EPM2A: variants seen among roughly 807,000 people sequenced by gnomAD.
The protein encoded by EPM2A is laforin.
A neutral mutation model predicts 26.5 loss-of-function variants in EPM2A; 21 were observed. The observed-to-expected ratio is 0.79, with a 90% CI of 0.56 to 1.14. The LOEUF (loss-of-function observed/expected upper bound fraction) is 1.14. EPM2A is among the 50% of genes most tolerant of loss of function. The probability of loss-of-function intolerance (pLI) is 0.00; values close to 1 mark genes in which losing one functional copy is unlikely to be tolerated. For missense variants in EPM2A, 458 were observed against 440.8 expected, an observed-to-expected ratio of 1.04 and a Z score of -0.35; for synonymous variants, 217 against 177.6, an observed-to-expected ratio of 1.22 and a Z score of -1.76.
intron 2 of EPM2A, among the ~76,000 whole-genome samples, chr6:145,548,186 C>A (rs187623274): frequency 1.7e-3 from 259 of 152,218 alleles, no homozygotes; most frequent in African/African-American, 5.8e-3. Flanking sequence ...TTTGGCAAGA[C>A]TCCTCAATTT....
At position 145,735,513 on chromosome 6, in the gene EPM2A, G is replaced by C; in HGVS notation, c.-15C>G. 8.5e-7 allele frequency: 1 copy of C among 1,183,270 alleles called. No homozygotes were observed. Among genetic ancestry groups the C allele is most frequent in the Non-Finnish European group, 1.0e-6 (1 of 956,898 alleles). The allele number at this position is 1,183,270 out of a possible 1,614,324, so 73.3% of individuals were successfully genotyped here. A position where few individuals can be genotyped will look rare whatever the true frequency, so the allele number is the denominator to read the frequency against. ...CGGAAGCGCATGGCGGGCGGCGGCG[G>C]CGCGAATACCCGGGCCCGGAGTCCC... On this transcript the variant is annotated 5_prime_UTR_variant, in exon 1 of 4. Transcript: ENST00000367519.
At chr6:145,490,026 G>C in intron 4 of EPM2A, 1 of 1,342,306 alleles carries the variant, frequency 7.4e-7, no homozygotes, top group Non-Finnish European at 1.0e-6. Context: ...ACAGTCACTT[G>C]TGCTGAATCC....
At chr6:145,394,810 A>G (rs376009899) in intron 4 of EPM2A, among the ~76,000 whole-genome samples, 2 of 152,092 alleles carry the variant, frequency 1.3e-5, no homozygotes, top group East Asian at 1.9e-4. Flanking sequence ...GAAAGGGCCA[A>G]TCGTTCACTA....
Position 145,600,126 on chromosome 6 carries a change from G to A in EPM2A, c.340+35119C>T, listed in dbSNP as rs1781397775. Among the ~76,000 whole-genome samples the A allele has an allele frequency of 1.3e-5, 2 of 151,908 alleles. 1 individual carries two copies. The highest frequency in any genetic ancestry group is 2.9e-5 in the Non-Finnish European group (2 of 67,948). ...TATATTCTGTCTTATTTTTCATGTG[G>A]ACAGCCATATCATCTGAAAATAGTA... On this transcript the variant is annotated intron_variant, in intron 2 of 3. Transcript: ENST00000450221.
chr6:145,405,023 T>C (rs1413089022), intron 4 of EPM2A, among the ~76,000 whole-genome samples: 1 of 152,160 alleles, frequency 6.6e-6, no homozygotes, highest in Non-Finnish European at 1.5e-5. Context: ...TTGAACACTG[T>C]ACTTCCAAAT....
intron 2 of EPM2A, among the ~76,000 whole-genome samples, chr6:145,620,250 A>T (rs964445566): frequency 1.3e-5 from 2 of 152,200 alleles, no homozygotes; most frequent in African/African-American, 4.8e-5. Context: ...ATAGATTCTC[A>T]TAAGGAGCGT....
chr6:145,660,472 C>A (rs1464251527), intron 2 of EPM2A, among the ~76,000 whole-genome samples: 1 of 152,136 alleles, frequency 6.6e-6, no homozygotes, highest in African/African-American at 2.4e-5. Context: ...ACTTTTTACT[C>A]CAATATCTAA....
intron 1 of EPM2A, among the ~76,000 whole-genome samples, chr6:145,729,829 G>A (rs779762125): frequency 6.6e-6 from 1 of 152,204 alleles, no homozygotes; most frequent in South Asian, 2.1e-4. Flanking sequence ...GGGGCTGGAA[G>A]TGGAATGATA....
chr6:145,664,939 G>A (rs1183194403), intron 2 of EPM2A, among the ~76,000 whole-genome samples: 1 of 140,918 alleles, frequency 7.1e-6, no homozygotes, highest in Non-Finnish European at 1.5e-5. Flanking sequence ...AATGAAGGCA[G>A]AAATAAAGAT....
chr6:145,726,085 G>T (rs1368783123), intron 1 of EPM2A, among the ~76,000 whole-genome samples: 1 of 151,920 alleles, frequency 6.6e-6, no homozygotes, highest in Non-Finnish European at 1.5e-5. Flanking sequence ...CGTGGAGGAA[G>T]GAGACATAAA....
intron 1 of EPM2A, among the ~76,000 whole-genome samples, chr6:145,693,135 G>A (rs1252406909): frequency 6.6e-6 from 1 of 151,802 alleles, no homozygotes; most frequent in Non-Finnish European, 1.5e-5. Flanking sequence ...TCATGTCTCT[G>A]GTTAGCTGTA....
chr6:145,407,904 T>C (rs1778591402), intron 4 of EPM2A, among the ~76,000 whole-genome samples: 1 of 152,202 alleles, frequency 6.6e-6, no homozygotes, highest in African/African-American at 2.4e-5. Flanking sequence ...CACATGTTTA[T>C]ATAGCTAAAT....
At chr6:145,463,606 T>C (rs1401909407) in intron 4 of EPM2A, among the ~76,000 whole-genome samples, 1 of 152,122 alleles carries the variant, frequency 6.6e-6, no homozygotes, top group Admixed American at 6.6e-5. Flanking sequence ...GGCATATACA[T>C]GACTGGTATA....
chr6:145,556,417 T>G (rs1780728788), intron 2 of EPM2A, among the ~76,000 whole-genome samples: 1 of 152,104 alleles, frequency 6.6e-6, no homozygotes, highest in Non-Finnish European at 1.5e-5. Context: ...TTTTCTGAGC[T>G]TAGAAGATAA....
chr6:145,627,427 A>G lies in EPM2A; in HGVS notation c.985T>C (p.Cys329Arg). 1 of 1,614,220 alleles carries G rather than the reference A, an allele frequency of 6.2e-7. No individual in the cohort carries two copies. The change falls in exon 4 of 4, where the codon TGT (cysteine) becomes CGT (arginine). Residue 329 changes from cysteine (C) to arginine (R), a missense_variant. By Grantham distance (180) the Cys-to-Arg change is radical (BLOSUM62 -3). Transcript: ENST00000367519. ...QKFGKVRSSV[C>R]SL ...AGCAGGCTGACCAGCTACAGGCTAC[A>G]CACAGAAGAACGAACCTTCCCAAAT... is the stretch of plus-strand genomic sequence containing the variant.
intron 1 of EPM2A, among the ~76,000 whole-genome samples, chr6:145,725,539 G>A (rs1352107335): frequency 6.6e-6 from 1 of 151,928 alleles, no homozygotes; most frequent in African/African-American, 2.4e-5. Flanking sequence ...TCTTTCAATA[G>A]GCAAATAAAC....
At chr6:145,558,554 C>T (rs1247279397) in intron 2 of EPM2A, among the ~76,000 whole-genome samples, 1 of 152,012 alleles carries the variant, frequency 6.6e-6, no homozygotes, top group Non-Finnish European at 1.5e-5. Flanking sequence ...CAACAGTGTA[C>T]AAGGGTTTTC....
intron 2 of EPM2A, among the ~76,000 whole-genome samples, chr6:145,679,588 A>C (rs917676761): frequency 6.6e-6 from 1 of 152,240 alleles, no homozygotes; most frequent in South Asian, 2.1e-4. Context: ...ACTTCCAAAG[A>C]AGTAAGTTTT....
intron 2 of EPM2A, among the ~76,000 whole-genome samples, chr6:145,578,745 G>A (rs1781071327): frequency 6.6e-6 from 1 of 152,144 alleles, no homozygotes; most frequent in South Asian, 2.1e-4. Context: ...TTGAAAGTAT[G>A]TAATTTGGTA....
Sources: allele counts gnomAD v4.1 joint callset (sites outside exome capture counted in the v4.1 genomes callset), GRCh38; gene constraint gnomAD v4.1.1; transcripts MANE v1.5; gene names NCBI Gene and HGNC (gene_info 2026-07-23, HGNC 2026-07-21).